UBL7: variants seen among roughly 807,000 people sequenced by gnomAD.
UBL7 encodes the protein ubiquitin-like protein 7.
UBL7 carries 21 observed loss-of-function variants against 41.7 expected under a neutral mutation model. The ratio of observed to expected loss-of-function variants is 0.50; its 90% confidence interval spans 0.36 to 0.73. UBL7 has a LOEUF of 0.73. Ranked by LOEUF, UBL7 falls within the 30% of genes least tolerant of loss-of-function variation. UBL7 has a pLI of 0.00. For synonymous variants in UBL7, 157 were observed against 186.9 expected (o/e 0.84, Z 1.31); for missense variants, 403 against 478.4 (o/e 0.84, Z 1.47).
At chr15:74,453,398 G>A (rs2061267473) in intron 3 of UBL7, among the ~76,000 whole-genome samples, 1 of 152,142 alleles carries the variant, frequency 6.6e-6, no homozygotes, top group Admixed American at 6.6e-5. Flanking sequence ...ACAGAGACGT[G>A]GATCCCAGCT....
chr15:74,458,579 T>C, intron 2 of UBL7, 105 bp downstream of exon 2: 1 of 941,644 alleles, frequency 1.1e-6, no homozygotes, highest in Non-Finnish European at 1.6e-6. Context: ...GTTAACATTA[T>C]GAGGCAACAA....
rs758620809 is a variant in UBL7, at chr15:74,456,631, T to C, written c.225A>G (p.Thr75=). The change falls in exon 3 of 11, where the codon ACA becomes ACG. Residue 75 remains threonine, a synonymous_variant. Coordinates refer to ENST00000395081, the MANE Select transcript of UBL7 (RefSeq NM_032907.5). ...YCGRKLKDDQ[T]LDFYGIQPGS... Reference sequence around the variant, plus strand: ...CAGGTTGAATGCCATAGAAGTCAAGTGTCTGGTCATCTTTTAGCTTCCGAC... The same window carrying C: ...CAGGTTGAATGCCATAGAAGTCAAGCGTCTGGTCATCTTTTAGCTTCCGAC... The C allele has an allele frequency of 1.1e-5, 18 of 1,614,060 alleles. No individual in the cohort carries two copies. Among genetic ancestry groups the C allele is most frequent in the South Asian group, 9.9e-5 (9 of 91,088 alleles).
chr15:74,450,000 G>C lies in UBL7; in HGVS notation c.600C>G (p.Ala200=), dbSNP rs369034755. Reference sequence around the variant, plus strand: ...AAGAGGAGTCAGTCCCAGGCATTGGGGCACTGCCTGCTACGGAGTGCAGAA... The same window carrying C: ...AAGAGGAGTCAGTCCCAGGCATTGGCGCACTGCCTGCTACGGAGTGCAGAA... ...VLVLHSVAGS[A]PMPGTDSSSR... The change falls in exon 7 of 11, where the codon GCC becomes GCG. Residue 200 remains alanine, a synonymous_variant. Transcript: ENST00000395081. 6.2e-7 allele frequency: 1 copy of C among 1,613,486 alleles called. No individual in the cohort carries two copies.
chr15:74,451,563 A>T (rs752306447), intron 4 of UBL7, 43 bp from the exon 5 acceptor site: 1 of 1,531,668 alleles, frequency 6.5e-7, no homozygotes, highest in South Asian at 1.1e-5. Flanking sequence ...AACCAGCTCA[A>T]TGTACTCATC....
rs540588544 is a variant in UBL7 at position 74,460,292 on chromosome 15, A to G, written c.-30+745T>C. ...AGACCTCTTCCAATACCTCTAAACC[A>G]TCTATATAAATTAAGTCTAAACTTC... is the stretch of plus-strand genomic sequence containing the variant. On this transcript the variant is annotated intron_variant, in intron 1 of 10. Transcript: ENST00000395081. Among the ~76,000 whole-genome samples the G allele has an allele frequency of 2.9e-5, 4 of 140,312 alleles. No homozygotes were observed. The South Asian group carries it at 9.0e-4, about 32-fold the overall frequency. The allele number at this position is 140,312 out of a possible 152,430, so 92.1% of individuals were successfully genotyped here. A position where few individuals can be genotyped will look rare whatever the true frequency, so the allele number is the denominator to read the frequency against.
At chr15:74,451,758 G>C (rs1331607831) in intron 4 of UBL7, among the ~76,000 whole-genome samples, 2 of 150,580 alleles carry the variant, frequency 1.3e-5, no homozygotes, top group African/African-American at 2.4e-5. Context: ...AAATCTCTGT[G>C]CTCCTTTTCC....
At chr15:74,456,899 T>A (rs1317117178) in intron 2 of UBL7, among the ~76,000 whole-genome samples, 1 of 152,060 alleles carries the variant, frequency 6.6e-6, no homozygotes, top group Non-Finnish European at 1.5e-5. Context: ...AGCCTCAACC[T>A]CCTGGGGTCA....
intron 1 of UBL7, among the ~76,000 whole-genome samples, chr15:74,459,358 C>T (rs2061325113): frequency 6.7e-6 from 1 of 149,754 alleles, no homozygotes; most frequent in African/African-American, 2.5e-5. Context: ...TGGAGTGCAG[C>T]GGCGCGATCT....
In UBL7 at chr15:74,448,298, G is replaced by A. The variant is rs548799935; in HGVS notation, c.1005+180C>T. Among the ~76,000 whole-genome samples the A allele has an allele frequency of 2.0e-4, 30 of 152,344 alleles. No individual in the cohort carries two copies. In the South Asian group the frequency reaches 5.4e-3, roughly 27 times the overall value. ...GGGCAGGAGAAGCCTAGTGACCACT[G>A]TGTATGGTCTGAGAGTGTGCCCTTG... On this transcript the variant is annotated intron_variant, in intron 10 of 10. Transcript: ENST00000395081.
intron 9 of UBL7, among the ~76,000 whole-genome samples, chr15:74,448,902 G>A (rs2061212133): frequency 6.6e-6 from 1 of 152,208 alleles, no homozygotes; most frequent in Non-Finnish European, 1.5e-5. Flanking sequence ...AGCTGGTGAT[G>A]TCTGCTCCCT....
chr15:74,450,864 A>G lies in UBL7; in HGVS notation c.473-5T>C. The G allele has an allele frequency of 6.2e-7, 1 of 1,613,384 alleles. No individual in the cohort carries two copies. ...GGTCCTTGTCCTGGAGAACCCCTGA[A>G]AAAGAGCAGAGCTCACCTCAAAGAA... On this transcript the variant is annotated splice_polypyrimidine_tract_variant and splice_region_variant and intron_variant, in intron 5 of 10. Coordinates refer to ENST00000395081, the MANE Select transcript of UBL7 (RefSeq NM_032907.5).
At chr15:74,453,688 T>C (rs980776287) in intron 3 of UBL7, among the ~76,000 whole-genome samples, 1 of 152,182 alleles carries the variant, frequency 6.6e-6, no homozygotes, top group Non-Finnish European at 1.5e-5. Flanking sequence ...CCTGAAGGGA[T>C]TTGTAACCCG....
At chr15:74,455,112 A>G (rs2061282661) in intron 3 of UBL7, among the ~76,000 whole-genome samples, 1 of 152,202 alleles carries the variant, frequency 6.6e-6, no homozygotes, top group Non-Finnish European at 1.5e-5. Context: ...CAACCTCTGG[A>G]TGTCAGGAAC....
At chr15:74,459,176 C>G (rs1324633709) in intron 1 of UBL7, 2 of 294,138 alleles carry the variant, frequency 6.8e-6, no homozygotes, top group Admixed American at 4.7e-5. Flanking sequence ...CCTCTCCCTT[C>G]TGTATGCCCC....
chr15:74,451,940 A>G (rs2061250214), intron 4 of UBL7, among the ~76,000 whole-genome samples: 1 of 152,140 alleles, frequency 6.6e-6, no homozygotes, highest in Admixed American at 6.5e-5. Flanking sequence ...CAACTCTCCT[A>G]CAGAAAGACA....
Position 74,449,182 on chromosome 15 carries a change from A to G in UBL7, c.882+4T>C, listed in dbSNP as rs2061215990. 6.5e-7 allele frequency: 1 copy of G among 1,542,326 alleles called. No individual in the cohort carries two copies. The highest frequency in any genetic ancestry group is 1.4e-5 in the African/African-American group (1 of 72,614). ...CCTTGATCTTCCCGGCCCCGTCTTC[A>G]TACCTGGGTGCCAGGAGTCGGTGTG... On this transcript the variant is annotated splice_donor_region_variant and intron_variant, in intron 9 of 10. Coordinates refer to ENST00000395081, the MANE Select transcript of UBL7 (RefSeq NM_032907.5).
intron 10 of UBL7, among the ~76,000 whole-genome samples, chr15:74,447,600 G>T (rs1380881384): frequency 6.6e-6 from 1 of 152,070 alleles, no homozygotes. Context: ...CCAGCTACCC[G>T]GGAGGCTGAG....
Position 74,461,080 on chromosome 15 carries a change from G to C in UBL7, c.-73C>G. On this transcript the variant is annotated 5_prime_UTR_variant, in exon 1 of 11. Transcript: ENST00000395081. ...TACTTGGCTGACACACATCGAGCCC[G>C]CGCTGCCCAGGGCCCCAGCGCCCTC... The C allele has an allele frequency of 2.0e-6, 2 of 1,013,494 alleles. No homozygotes were observed. The highest frequency in any genetic ancestry group is 3.5e-5 in the South Asian group (1 of 28,218). 62.8% of individuals were successfully genotyped at this position (1,013,494 alleles called of 1,614,324 possible).
chr15:74,449,156 G>A, intron 9 of UBL7, 30 bp downstream of exon 9: 1 of 1,519,986 alleles, frequency 6.6e-7, no homozygotes, highest in Non-Finnish European at 8.8e-7. Flanking sequence ...TGGGGGCCCA[G>A]CCTTGATCTT....
Sources: gnomAD v4.1 joint callset for allele counts (sites outside exome capture counted in the v4.1 genomes callset) on GRCh38, gnomAD v4.1.1 for gene constraint, MANE v1.5 for transcripts, NCBI Gene and HGNC (gene_info 2026-07-23, HGNC 2026-07-21) for gene names.